The following TEX14 variants were observed in gnomAD, a reference collection of about 807,000 sequenced individuals.
The protein encoded by TEX14 is inactive serine/threonine-protein kinase TEX14.
A neutral mutation model predicts 178.6 loss-of-function variants in TEX14; 168 were observed. The observed-to-expected ratio is 0.94, with a 90% CI of 0.83 to 1.07. The LOEUF (loss-of-function observed/expected upper bound fraction) is 1.07, where lower values mean the gene tolerates loss of function less well. Ranked by LOEUF, TEX14 falls within the 50% of genes least tolerant of loss-of-function variation. The probability of loss-of-function intolerance (pLI) is 0.00; values close to 1 mark genes in which losing one functional copy is unlikely to be tolerated. For missense variants in TEX14, 1,730 were observed against 1,753.6 expected (o/e 0.99, Z 0.24); for synonymous variants, 626 against 634.1 (o/e 0.99, Z 0.19).
chr17:58,581,317 TAA>T (rs879540710), intron 19 of TEX14, among the ~76,000 whole-genome samples: 2 of 132,754 alleles, frequency 1.5e-5, no homozygotes, highest in Non-Finnish European at 3.3e-5. Context: ...TCTCAAAAAT[TAA>T]AAAAAAAAAA....
chr17:58,670,698 G>A (rs894481930), intron 1 of TEX14, among the ~76,000 whole-genome samples: 5 of 147,514 alleles, frequency 3.4e-5, no homozygotes, highest in East Asian at 2.0e-4. Context: ...GCTTGAACCC[G>A]GGAGGTGGAG....
chr17:58,577,539 AG>A, intron 20 of TEX14, 83 bp from the exon 21 acceptor site: 1 of 447,178 alleles, frequency 2.2e-6, no homozygotes, highest in Non-Finnish European at 3.6e-6. Flanking sequence ...ACCATTCCCT[AG>A]AATGTCCCTT....
At position 58,586,066 on chromosome 17, in the gene TEX14, C is replaced by G; in HGVS notation, c.2805G>C (p.Met935Ile). Residue 935 changes from methionine to isoleucine, a missense_variant, in exon 18 of 32, where the codon ATG becomes ATC. Met to Ile is a conservative substitution (Grantham distance 10, BLOSUM62 1). Transcript: ENST00000349033. The part of the protein sequence containing the change: ...HLKWKMEVKE[M>I]AKKAATGQLT... ...GCTGTCCAGTAGCTGCTTTCTTTGCCATTTCTTTCACCTCCACTGTGCATA... is the reference window on the plus strand; with the variant it reads ...GCTGTCCAGTAGCTGCTTTCTTTGCGATTTCTTTCACCTCCACTGTGCATA... 1.2e-6 allele frequency: 2 copies of G among 1,612,564 alleles called. No homozygotes were observed. Among genetic ancestry groups the G allele is most frequent in the Non-Finnish European group, 1.7e-6 (2 of 1,178,782 alleles).
Position 58,584,509 on chromosome 17 carries a change from T to C in TEX14, c.3162A>G (p.Lys1054=), listed in dbSNP as rs2044903942. Residue 1054 remains lysine (K), a synonymous_variant, in exon 19 of 32, where the codon AAA becomes AAG. Transcript: ENST00000349033. Reference sequence around the variant, plus strand: ...AGGCAGTATTACTTACACTGTAAGATTTCTCTACAGCCACCAATGTGTCAG... The same window carrying C: ...AGGCAGTATTACTTACACTGTAAGACTTCTCTACAGCCACCAATGTGTCAG... ...ASSDTLVAVE[K]SYSTSSPIEE... is the part of the protein sequence containing the mutation. 3 of 1,613,566 alleles carry C rather than the reference T, an allele frequency of 1.9e-6. No homozygotes were observed. Among genetic ancestry groups the C allele is most frequent in the East Asian group, 2.2e-5 (1 of 44,886 alleles).
At chr17:58,596,309 TCTCA>T (rs890572317) in intron 14 of TEX14, among the ~76,000 whole-genome samples, 35 of 152,184 alleles carry the variant, frequency 2.3e-4, no homozygotes, top group African/African-American at 8.2e-4. Flanking sequence ...TGAGACAGGG[TCTCA>T]CTCTGTTGCC....
At position 58,585,785 on chromosome 17, in the gene TEX14, CCG is replaced by C. The variant is rs1567719703; in HGVS notation, c.3070+14_3070+15del. ...TGATTGAGTTCACCTATCCTGATTC[CCG>C]CAAGTGAACTTACTGGTGAAGCTTC... On this transcript the variant is annotated intron_variant, in intron 18 of 31. Coordinates refer to ENST00000349033, the MANE Select transcript of TEX14 (RefSeq NM_031272.5). The C allele has an allele frequency of 1.9e-6, 3 of 1,612,856 alleles. No individual in the cohort carries two copies.
At chr17:58,659,261 C>G (rs923913493) in intron 1 of TEX14, 1 of 810,316 alleles carries the variant, frequency 1.2e-6, no homozygotes, top group Admixed American at 6.2e-5. Context: ...CCAAGAAAAA[C>G]ACTTTATCAG....
rs1397603413 is a variant in TEX14 at position 58,622,937 on chromosome 17, C to T, written c.327G>A (p.Leu109=). The T allele has an allele frequency of 1.1e-5, 17 of 1,612,970 alleles. No homozygotes were observed. Among genetic ancestry groups the T allele is most frequent in the Non-Finnish European group, 1.4e-5 (17 of 1,179,134 alleles). ...GGAGTCGCAGGTCACCTCCTGCATC[C>T]AGCAGTTTGCTAAGGATCCACTGAT... ...SGNQWILSKL[L]DAGGDLRLHD... Residue 109 remains leucine (L), a synonymous_variant, in exon 4 of 32, where the codon CTG becomes CTA. Transcript: ENST00000349033.
intron 1 of TEX14, among the ~76,000 whole-genome samples, chr17:58,683,114 T>G (rs1471358001): frequency 6.7e-6 from 1 of 150,012 alleles, no homozygotes; most frequent in East Asian, 2.0e-4. Context: ...GGCTCACGCC[T>G]GTAATCCCAG....
At position 58,621,907 on chromosome 17, in the gene TEX14, G is replaced by C. The variant is rs139855166; in HGVS notation, c.418-121C>G. The C allele has an allele frequency of 4.1e-5, 46 of 1,124,620 alleles. No individual in the cohort carries two copies. In the Middle Eastern group the frequency reaches 6.6e-4, roughly 16 times the overall value. The allele number at this position is 1,124,620 out of a possible 1,614,324, so 69.7% of individuals were successfully genotyped here. A position where few individuals can be genotyped will look rare whatever the true frequency, so the allele number is the denominator to read the frequency against. On this transcript the variant is annotated intron_variant, in intron 4 of 31. Coordinates refer to ENST00000349033, the MANE Select transcript of TEX14 (RefSeq NM_031272.5). Reference sequence around the variant, plus strand: ...CCCCCAACAGAAAAACCTCTCAAAAGGAAAGGGCCCAGGTGATTTTCTAAA... The same window carrying C: ...CCCCCAACAGAAAAACCTCTCAAAACGAAAGGGCCCAGGTGATTTTCTAAA...
intron 2 of TEX14, among the ~76,000 whole-genome samples, chr17:58,648,876 G>A (rs2046776801): frequency 7.4e-6 from 1 of 135,966 alleles, no homozygotes; most frequent in South Asian, 2.5e-4. Context: ...TGCAAGCTCC[G>A]CCTCCCGGGT....
At chr17:58,604,740 T>C (rs193226103) in intron 11 of TEX14, among the ~76,000 whole-genome samples, 3 of 151,930 alleles carry the variant, frequency 2.0e-5, no homozygotes, top group South Asian at 2.1e-4. Context: ...TTTGTATTTT[T>C]AGTAGAGACA....
intron 1 of TEX14, among the ~76,000 whole-genome samples, chr17:58,684,597 C>T (rs1409793261): frequency 6.6e-6 from 1 of 151,618 alleles, no homozygotes; most frequent in Non-Finnish European, 1.5e-5. Context: ...CGTGCCACTG[C>T]ACTCCAGCCT....
At chr17:58,631,922 T>C (rs563217216) in intron 2 of TEX14, 4 of 152,346 alleles carry the variant, frequency 2.6e-5, no homozygotes, top group Non-Finnish European at 4.4e-5. Flanking sequence ...CATTTTCCTC[T>C]CGAAAATATT....
rs1464235466 is a variant in TEX14, at chr17:58,561,384, G to A, written c.4157+136C>T. ...CAGAGGAAGAGGGGCAAATATGAGT[G>A]CAGACAGGTGGAGTCAGGGCTGGCT... On this transcript the variant is annotated intron_variant, in intron 29 of 31. Transcript: ENST00000349033. 3.8e-5 allele frequency: 25 copies of A among 664,206 alleles called. 1 individual carries two copies. Among genetic ancestry groups the A allele is most frequent in the Non-Finnish European group, 6.5e-5 (24 of 369,080 alleles). 41.1% of individuals were successfully genotyped at this position (664,206 alleles called of 1,614,324 possible).
chr17:58,556,813 C>G lies in TEX14; in HGVS notation c.*198G>C, dbSNP rs2044144777. ...AAACTACCTCTCACTTTTCAGAAAT[C>G]TGACTGAAAACAAATGGTTGAATGT... On this transcript the variant is annotated 3_prime_UTR_variant, in exon 32 of 32. Coordinates refer to ENST00000349033, the MANE Select transcript of TEX14 (RefSeq NM_031272.5). 2.1e-6 allele frequency: 1 copy of G among 482,792 alleles called. No homozygotes were observed. The highest frequency in any genetic ancestry group is 1.9e-5 in the African/African-American group (1 of 51,796). 29.9% of individuals were successfully genotyped at this position (482,792 alleles called of 1,614,324 possible).
chr17:58,686,895 A>G (rs1431031982), intron 1 of TEX14, among the ~76,000 whole-genome samples: 2 of 83,552 alleles, frequency 2.4e-5, no homozygotes, highest in African/African-American at 4.8e-5. Flanking sequence ...TTTTTTTGAG[A>G]TGCAGTCTCG....
chr17:58,573,133 T>G, intron 23 of TEX14, 48 bp downstream of exon 23: 2 of 1,606,492 alleles, frequency 1.2e-6, no homozygotes, highest in Non-Finnish European at 8.5e-7. Context: ...GACAATGGGC[T>G]GGGGCTGTAA....
chr17:58,563,337 C>G (rs1351435663), intron 28 of TEX14, among the ~76,000 whole-genome samples: 1 of 152,000 alleles, frequency 6.6e-6, no homozygotes, highest in Non-Finnish European at 1.5e-5. Context: ...ACTGAATTGT[C>G]TGGAAGACTG....
Sources: allele counts gnomAD v4.1 joint callset (sites outside exome capture counted in the v4.1 genomes callset), GRCh38; gene constraint gnomAD v4.1.1; transcripts MANE v1.5; gene names NCBI Gene and HGNC (gene_info 2026-07-23, HGNC 2026-07-21).